The following STARD8 variants were observed in gnomAD, a reference collection of about 807,000 sequenced individuals.
The protein encoded by STARD8 is stAR-related lipid transfer protein 8.
A neutral mutation model predicts 69.4 loss-of-function variants in STARD8; 25 were observed. The observed-to-expected ratio is 0.36, with a 90% CI of 0.26 to 0.50. The LOEUF is 0.50. Among genes scored for constraint, STARD8 ranks in the 20% least tolerant of loss-of-function variants. The pLI is 0.96. For synonymous variants in STARD8, 389 were observed against 374.6 expected, an observed-to-expected ratio of 1.04 and a Z score of -0.45; for missense variants, 921 against 932.5, an observed-to-expected ratio of 0.99 and a Z score of 0.16.
rs144630938 is a variant in STARD8 at position 68,683,063 on chromosome X, A to G, written c.79+17531A>G. 9.5e-3 allele frequency among the ~76,000 whole-genome samples: 1,064 copies of G among 112,488 alleles called. 16 individuals carry two copies. The highest frequency in any genetic ancestry group is 0.033 in the African/African-American group (1,019 of 30,922). On this transcript the variant is annotated intron_variant, in intron 2 of 14. Coordinates refer to ENST00000374599, the MANE Select transcript of STARD8 (RefSeq NM_001142503.3). ...TCTGAACGCTGGACCAGCCCTGTGC[A>G]TGGCTCAGCCCCAGGATTAGCATCG...
In STARD8 at chrX:68,722,081, G is replaced by A; in HGVS notation, c.2494G>A (p.Gly832Ser). The stretch of plus-strand genomic sequence containing the variant: ...CAAACGCAGCCTCATTGGCAGGCCA[G>A]GCCCTAGGGACCTGAGTGACAACAT... ...KSKRSLIGRPGPRDLSDNMAA... is the reference protein window; with the variant it reads ...KSKRSLIGRPSPRDLSDNMAA... The change falls in exon 11 of 15, where the codon GGC becomes AGC. Residue 832 changes from glycine (G) to serine (S), a missense_variant. Physicochemically the swap from Gly to Ser is moderately conservative, Grantham distance 56 (BLOSUM62 0). Coordinates refer to ENST00000374599, the MANE Select transcript of STARD8 (RefSeq NM_001142503.3). 8.3e-7 allele frequency: 1 copy of A among 1,205,632 alleles called. No individual in the cohort carries two copies. Among genetic ancestry groups the A allele is most frequent in the Non-Finnish European group, 1.1e-6 (1 of 890,826 alleles).
In STARD8 at chrX:68,647,855, C is replaced by T. The variant is rs2079524494; in HGVS notation, c.-28C>T. 1.7e-6 allele frequency: 2 copies of T among 1,190,144 alleles called. No individual in the cohort carries two copies. Among genetic ancestry groups the T allele is most frequent in the African/African-American group, 1.8e-5 (1 of 57,020 alleles). ...GAGCCGGTGCCCGGCACAGCCCCGCCGGCCCTAGAAGCTCCCCACGCGCCA... is the reference window on the plus strand; with the variant it reads ...GAGCCGGTGCCCGGCACAGCCCCGCTGGCCCTAGAAGCTCCCCACGCGCCA... On this transcript the variant is annotated 5_prime_UTR_variant, in exon 1 of 15. Transcript: ENST00000374599.
intron 2 of STARD8, 62 bp from the exon 3 acceptor site, chrX:68,712,852 C>G: frequency 9.2e-7 from 1 of 1,091,716 alleles, no homozygotes; most frequent in African/African-American, 1.8e-5. Flanking sequence ...ACCTAGGGCC[C>G]TGGTGTCAGC....
chrX:68,717,924 G>A lies in STARD8; in HGVS notation c.1010G>A (p.Gly337Asp). The change falls in exon 6 of 15, where the codon GGC (glycine) becomes GAC (aspartate). Residue 337 changes from glycine (G) to aspartate (D), a missense_variant. Coordinates refer to ENST00000374599, the MANE Select transcript of STARD8 (RefSeq NM_001142503.3). Reference protein sequence around the residue: ...LADWQPGRRWGCEGRRGSCGS... With the variant: ...LADWQPGRRWDCEGRRGSCGS... ...GACTGGCAGCCAGGTAGGCGGTGGGGCTGTGAGGGGCGCCGGGGCTCCTGT... is the reference window on the plus strand; with the variant it reads ...GACTGGCAGCCAGGTAGGCGGTGGGACTGTGAGGGGCGCCGGGGCTCCTGT... The A allele has an allele frequency of 8.3e-7, 1 of 1,208,416 alleles. No individual in the cohort carries two copies. Among genetic ancestry groups the A allele is most frequent in the African/African-American group, 1.7e-5 (1 of 57,847 alleles).
intron 12 of STARD8, among the ~76,000 whole-genome samples, chrX:68,723,051 C>T (rs2080165482): frequency 8.9e-6 from 1 of 112,463 alleles, no homozygotes; most frequent in South Asian, 3.7e-4. Flanking sequence ...GGAATGTGTT[C>T]CTCCTCCATT....
chrX:68,716,040 G>T (rs2080088844), intron 4 of STARD8, among the ~76,000 whole-genome samples: 1 of 111,529 alleles, frequency 9.0e-6, no homozygotes, highest in Non-Finnish European at 1.9e-5. Context: ...AATCCCATTT[G>T]CATCCTCCAG....
chrX:68,686,422 C>G (rs2079832806), intron 2 of STARD8, among the ~76,000 whole-genome samples: 1 of 112,849 alleles, frequency 8.9e-6, no homozygotes, highest in Non-Finnish European at 1.9e-5. Flanking sequence ...CGCCTGGCAC[C>G]GCGCGGCGCC....
rs753929806 is a variant in STARD8, at chrX:68,721,121, G to C, written c.2247G>C (p.Gln749His). 9 of 1,209,340 alleles carry C rather than the reference G, an allele frequency of 7.4e-6. No individual in the cohort carries two copies. The highest frequency in any genetic ancestry group is 1.8e-5 in the African/African-American group (1 of 57,115). Residue 749 changes from glutamine to histidine, a missense_variant and splice_region_variant, in exon 9 of 15, where the codon CAG (glutamine) becomes CAC (histidine). By Grantham distance (24) the Gln-to-His change is conservative. Coordinates refer to ENST00000374599, the MANE Select transcript of STARD8 (RefSeq NM_001142503.3). The stretch of plus-strand genomic sequence containing the variant: ...CCACCACTTTCCTCCAGATCTACCA[G>C]CGTGAGTCGCCCACTCCTATCCCCA... ...KLTTTFLQIY[Q>H]LLPKDQWLAA... is the part of the protein sequence containing the mutation.
chrX:68,679,951 G>T (rs148649138), intron 2 of STARD8, among the ~76,000 whole-genome samples: 1 of 111,508 alleles, frequency 9.0e-6, no homozygotes, highest in African/African-American at 3.3e-5. Context: ...TTGACGCTCC[G>T]CCCTTTTCAC....
intron 2 of STARD8, among the ~76,000 whole-genome samples, chrX:68,711,045 T>C (rs143126696): frequency 0.01 from 1,159 of 111,851 alleles, 10 homozygotes; most frequent in South Asian, 0.031. Flanking sequence ...AGACTACCAC[T>C]GGCCTGGAGC....
intron 1 of STARD8, among the ~76,000 whole-genome samples, chrX:68,650,485 G>A (rs1268277317): frequency 4.6e-5 from 3 of 64,844 alleles, no homozygotes; most frequent in East Asian, 7.1e-4. Flanking sequence ...GAGGAGGGGA[G>A]GAGGAGGAGG....
At chrX:68,716,521 T>C in intron 5 of STARD8, 90 bp downstream of exon 5, 1 of 949,125 alleles carries the variant, frequency 1.1e-6, no homozygotes, top group Non-Finnish European at 1.5e-6. Context: ...CTAGCTCCAG[T>C]ATCCCAGGAG....
At chrX:68,721,405 CT>C (rs1479748045) in intron 9 of STARD8, 130 bp from the exon 10 acceptor site, 1 of 691,181 alleles carries the variant, frequency 1.4e-6, no homozygotes, top group East Asian at 3.5e-5. Context: ...CCTCACAGAA[CT>C]GACATTTTCC....
Position 68,722,426 on chromosome X carries a change from C to A in STARD8, c.2579C>A (p.Pro860His). 8.4e-7 allele frequency: 1 copy of A among 1,196,888 alleles called. No homozygotes were observed. The highest frequency in any genetic ancestry group is 3.0e-5 in the East Asian group (1 of 33,161). The change falls in exon 12 of 15, where the codon CCC (proline) becomes CAC (histidine). Residue 860 changes from proline to histidine, a missense_variant. By Grantham distance (77) the Pro-to-His change is moderately conservative. Coordinates refer to ENST00000374599, the MANE Select transcript of STARD8 (RefSeq NM_001142503.3). ...ATTGTGTGTGTGCCCTCTCAGGTGC[C>A]CCAGGACATGGTGCTGCAGCTGTGC... ...ISDCKKLFQV[P>H]QDMVLQLCSS...
intron 2 of STARD8, among the ~76,000 whole-genome samples, chrX:68,695,099 C>A: frequency 9.4e-6 from 1 of 106,641 alleles, no homozygotes; most frequent in Admixed American, 9.9e-5. Context: ...GCCCCCCACA[C>A]CTGTATTATT....
intron 2 of STARD8, among the ~76,000 whole-genome samples, chrX:68,677,486 C>T (rs2079772914): frequency 9.0e-6 from 1 of 111,677 alleles, no homozygotes; most frequent in African/African-American, 3.3e-5. Flanking sequence ...CCTCTTGTTC[C>T]AGTTTGTCCA....
chrX:68,703,718 G>A (rs923905038), intron 2 of STARD8, among the ~76,000 whole-genome samples: 3 of 112,094 alleles, frequency 2.7e-5, no homozygotes, highest in Non-Finnish European at 3.8e-5. Context: ...CAGACGTGGT[G>A]GCACAGGGTC....
intron 2 of STARD8, among the ~76,000 whole-genome samples, chrX:68,666,375 G>A (rs1282234573): frequency 2.7e-5 from 3 of 112,154 alleles, no homozygotes; most frequent in Non-Finnish European, 5.6e-5. Context: ...AATGAGCATA[G>A]CTTCTAGGAG....
chrX:68,669,304 A>G (rs1472192387), intron 2 of STARD8, among the ~76,000 whole-genome samples: 3 of 112,147 alleles, frequency 2.7e-5, no homozygotes, highest in Non-Finnish European at 5.6e-5. Context: ...GACCTTTGCC[A>G]GCTGTGTGTC....
Sources: gnomAD v4.1 joint callset for allele counts (sites outside exome capture counted in the v4.1 genomes callset) on GRCh38, gnomAD v4.1.1 for gene constraint, MANE v1.5 for transcripts, NCBI Gene and HGNC (gene_info 2026-07-23, HGNC 2026-07-21) for gene names.